The following OSBP2 variants were observed in gnomAD, a reference collection of about 807,000 sequenced individuals.
The protein encoded by OSBP2 is oxysterol binding protein 2.
Under a neutral mutation model 96.0 loss-of-function variants are expected in OSBP2, and 66 were observed. The ratio of observed to expected loss-of-function variants is 0.69; its 90% CI spans 0.56 to 0.84. OSBP2 has a LOEUF of 0.84. Among genes scored for constraint, OSBP2 ranks in the 40% least tolerant of loss-of-function variants. OSBP2 has a pLI of 0.00. For missense variants in OSBP2, 1,038 were observed against 1,222.7 expected (o/e 0.85, Z 2.25); for synonymous variants, 525 against 520.9 (o/e 1.01, Z -0.11).
At chr22:30,812,989 A>G (rs1437641840) in intron 2 of OSBP2, among the ~76,000 whole-genome samples, 1 of 151,938 alleles carries the variant, frequency 6.6e-6, no homozygotes, top group Non-Finnish European at 1.5e-5. Context: ...TATTCTAGCT[A>G]TGGTTATTTC....
At chr22:30,853,025 C>T (rs2039005695) in intron 2 of OSBP2, among the ~76,000 whole-genome samples, 1 of 152,060 alleles carries the variant, frequency 6.6e-6, no homozygotes, top group South Asian at 2.1e-4. Context: ...TGGTTTATGG[C>T]CCAGCATACA....
intron 2 of OSBP2, among the ~76,000 whole-genome samples, chr22:30,829,296 A>G (rs1174356159): frequency 1.3e-5 from 2 of 152,022 alleles, no homozygotes; most frequent in Admixed American, 6.6e-5. Flanking sequence ...TTTTTTGTTT[A>G]GTTATTTTTT....
chr22:30,841,957 T>G (rs2038761567), intron 2 of OSBP2, among the ~76,000 whole-genome samples: 1 of 152,156 alleles, frequency 6.6e-6, no homozygotes, highest in Non-Finnish European at 1.5e-5. Context: ...AACAATTTTT[T>G]TTTTTTGAGA....
intron 1 of OSBP2, among the ~76,000 whole-genome samples, chr22:30,738,264 C>T (rs913202451): frequency 7.2e-5 from 11 of 152,094 alleles, no homozygotes; most frequent in African/African-American, 2.4e-4. Context: ...GTCCGGAACA[C>T]TGCCCATCCC....
Position 30,906,582 on chromosome 22 carries a change from T to G in OSBP2, c.*243T>G. The G allele has an allele frequency of 2.5e-6, 1 of 402,408 alleles. No homozygotes were observed. The highest frequency in any genetic ancestry group is 4.1e-5 in the East Asian group (1 of 24,266). 24.9% of individuals were successfully genotyped at this position (402,408 alleles called of 1,614,324 possible). Reference sequence around the variant, plus strand: ...CACCCGTGCCCCTTCATTATGGACCTGGGCCCTACCGGAACCCCTGCCCCA... The same window carrying G: ...CACCCGTGCCCCTTCATTATGGACCGGGGCCCTACCGGAACCCCTGCCCCA... On this transcript the variant is annotated 3_prime_UTR_variant, in exon 14 of 14. Coordinates refer to ENST00000332585, the MANE Select transcript of OSBP2 (RefSeq NM_030758.4).
intron 2 of OSBP2, chr22:30,822,742 G>A (rs761970235): frequency 2.2e-5 from 33 of 1,499,864 alleles, no homozygotes; most frequent in Non-Finnish European, 2.8e-5. Context: ...CCCGGAGGGA[G>A]GCCAGGCTCC....
At chr22:30,821,476 C>T (rs992245784) in intron 2 of OSBP2, among the ~76,000 whole-genome samples, 11 of 152,090 alleles carry the variant, frequency 7.2e-5, no homozygotes, top group African/African-American at 1.9e-4. Context: ...ATCTAAGAGA[C>T]GGAGAAGTCA....
intron 1 of OSBP2, among the ~76,000 whole-genome samples, chr22:30,713,967 T>C (rs901801291): frequency 6.6e-6 from 1 of 152,178 alleles, no homozygotes; most frequent in Non-Finnish European, 1.5e-5. Context: ...TATTATTAAC[T>C]GTAGTCACCC....
chr22:30,828,157 G>C (rs2038443246), intron 2 of OSBP2, among the ~76,000 whole-genome samples: 1 of 152,226 alleles, frequency 6.6e-6, no homozygotes, highest in African/African-American at 2.4e-5. Context: ...TCATTAGAAA[G>C]AGGCTAAATG....
intron 2 of OSBP2, among the ~76,000 whole-genome samples, chr22:30,779,029 C>T (rs2090476858): frequency 6.8e-6 from 1 of 146,616 alleles, no homozygotes; most frequent in Non-Finnish European, 1.5e-5. Flanking sequence ...GAAGGAGACT[C>T]CATCTCAAAA....
At chr22:30,822,489 T>A (rs2146981253) in intron 2 of OSBP2, 2 of 1,135,346 alleles carry the variant, frequency 1.8e-6, no homozygotes, top group Middle Eastern at 6.5e-4. Context: ...CAGTGGTGCA[T>A]TGTGGTAACG....
At chr22:30,857,983 C>A (rs1012497202) in intron 2 of OSBP2, among the ~76,000 whole-genome samples, 1 of 152,172 alleles carries the variant, frequency 6.6e-6, no homozygotes, top group Non-Finnish European at 1.5e-5. Context: ...ACACTGCAGA[C>A]AGAAGAGGCG....
chr22:30,694,776 G>T, upstream of OSBP2: 2 of 598,546 alleles, frequency 3.3e-6, no homozygotes, highest in Non-Finnish European at 4.2e-6. Context: ...CGGGCACGGA[G>T]CGCACGGGAC....
intron 2 of OSBP2, among the ~76,000 whole-genome samples, chr22:30,783,065 C>CTTTTTTTTT (rs567123014): frequency 1.9e-5 from 2 of 104,132 alleles, no homozygotes; most frequent in Non-Finnish European, 1.9e-5. Flanking sequence ...GAACCTGTGG[C>CTTTTTTTTT]TTTTTTTTTT....
intron 3 of OSBP2, among the ~76,000 whole-genome samples, chr22:30,877,838 G>C (rs985663311): frequency 6.6e-6 from 1 of 152,248 alleles, no homozygotes; most frequent in African/African-American, 2.4e-5. Context: ...GCTGGGCCTA[G>C]GACATGGTCC....
intron 2 of OSBP2, among the ~76,000 whole-genome samples, chr22:30,867,074 G>A (rs1232042930): frequency 6.6e-6 from 1 of 152,192 alleles, no homozygotes; most frequent in Non-Finnish European, 1.5e-5. Context: ...GGTATGCATG[G>A]GAGCCTGCCT....
intron 2 of OSBP2, among the ~76,000 whole-genome samples, chr22:30,820,840 A>G (rs2038257451): frequency 6.6e-6 from 1 of 152,160 alleles, no homozygotes; most frequent in African/African-American, 2.4e-5. Flanking sequence ...CAGTGAATCT[A>G]ACTCAATTGT....
chr22:30,793,851 G>C (rs1312956263), intron 2 of OSBP2, among the ~76,000 whole-genome samples: 1 of 152,136 alleles, frequency 6.6e-6, no homozygotes, highest in African/African-American at 2.4e-5. Context: ...CTAAGAAAAA[G>C]TGGTCTAAGT....
At chr22:30,867,805 G>A (rs2039375296) in intron 2 of OSBP2, among the ~76,000 whole-genome samples, 1 of 152,256 alleles carries the variant, frequency 6.6e-6, no homozygotes, top group African/African-American at 2.4e-5. Context: ...TAGACTCACT[G>A]TACCTCTCAC....
Sources: gnomAD v4.1 joint callset for allele counts (sites outside exome capture counted in the v4.1 genomes callset) on GRCh38, gnomAD v4.1.1 for gene constraint, MANE v1.5 for transcripts, NCBI Gene and HGNC (gene_info 2026-07-23, HGNC 2026-07-21) for gene names.